Variants in METTL8 observed in about 807,000 individuals in gnomAD.
The protein encoded by METTL8 is methyltransferase 8, tRNA N3-cytidine, also known as tRNA N(3)-cytidine methyltransferase METTL8, mitochondrial.
METTL8 carries 32 observed loss-of-function variants against 48.7 expected under a neutral mutation model. That is an observed-to-expected ratio of 0.66 (90% confidence interval 0.50 to 0.88). The LOEUF is 0.88. Ranked by LOEUF, METTL8 falls within the 40% of genes least tolerant of loss-of-function variation. METTL8 has a pLI of 0.00. For missense variants in METTL8, 464 were observed against 474.4 expected (o/e 0.98, Z 0.20); for synonymous variants, 136 against 157.1 (o/e 0.87, Z 1.01).
chr2:171,404,863 A>G (rs1252380544), intron 1 of METTL8, among the ~76,000 whole-genome samples: 1 of 152,172 alleles, frequency 6.6e-6, no homozygotes, highest in Admixed American at 6.6e-5. Context: ...GCCCAGGGCT[A>G]CACACTAAGA....
intron 1 of METTL8, among the ~76,000 whole-genome samples, chr2:171,415,040 A>T (rs1036792900): frequency 3.9e-5 from 6 of 152,198 alleles, no homozygotes; most frequent in African/African-American, 1.4e-4. Flanking sequence ...AGGCCTCCCC[A>T]GCCACATGAA....
chr2:171,407,553 T>C (rs962566404), intron 1 of METTL8, among the ~76,000 whole-genome samples: 1 of 152,170 alleles, frequency 6.6e-6, no homozygotes. Flanking sequence ...AGAAAGCTTT[T>C]AGTATTGACA....
chr2:171,362,587 A>C (rs1190713768), intron 2 of METTL8, among the ~76,000 whole-genome samples: 1 of 151,158 alleles, frequency 6.6e-6, no homozygotes, highest in African/African-American at 2.4e-5. Flanking sequence ...ATAAATAAAT[A>C]AATAAATAAA....
At chr2:171,389,033 T>C (rs1448981503) in intron 2 of METTL8, among the ~76,000 whole-genome samples, 1 of 152,100 alleles carries the variant, frequency 6.6e-6, no homozygotes, top group African/African-American at 2.4e-5. Flanking sequence ...ATGAGGCCAG[T>C]TGATTACCCT....
chr2:171,362,234 G>C (rs940673118), intron 2 of METTL8, among the ~76,000 whole-genome samples: 4 of 152,108 alleles, frequency 2.6e-5, no homozygotes, highest in Non-Finnish European at 5.9e-5. Flanking sequence ...TGGTCTAGGA[G>C]TAATGAGTCC....
intron 3 of METTL8, among the ~76,000 whole-genome samples, chr2:171,342,889 T>C (rs1393576568): frequency 6.6e-6 from 1 of 152,056 alleles, no homozygotes; most frequent in Non-Finnish European, 1.5e-5. Flanking sequence ...AAGATGTGCA[T>C]AGCGGCCAGG....
rs936991282 is a variant in METTL8 at position 171,382,545 on chromosome 2, G to A, written c.143+9498C>T. Among the ~76,000 whole-genome samples the A allele has an allele frequency of 2.6e-5, 4 of 151,916 alleles. No individual in the cohort carries two copies. In the East Asian group the frequency reaches 5.8e-4, roughly 22 times the overall value. On this transcript the variant is annotated intron_variant, in intron 2 of 9. Coordinates refer to ENST00000375258, the MANE Select transcript of METTL8 (RefSeq NM_001321154.2). ...CAGGCAGGGGAACAACATACACAGG[G>A]GCCTGTCCAGGGGTGGAGGGCAAGG...
intron 7 of METTL8, among the ~76,000 whole-genome samples, chr2:171,328,377 G>A (rs1559046002): frequency 6.6e-6 from 1 of 152,152 alleles, no homozygotes. Flanking sequence ...CAGACTCAAG[G>A]TCTAGCCAAA....
chr2:171,342,697 CTT>C (rs1686896989), intron 3 of METTL8, among the ~76,000 whole-genome samples: 1 of 152,026 alleles, frequency 6.6e-6, no homozygotes, highest in African/African-American at 2.4e-5. Context: ...TCTAAGAAGA[CTT>C]ATATTTAGTG....
chr2:171,357,619 T>C (rs983022871), intron 3 of METTL8, among the ~76,000 whole-genome samples: 2 of 152,196 alleles, frequency 1.3e-5, no homozygotes, highest in Admixed American at 1.3e-4. Flanking sequence ...AAGCAATTTA[T>C]AGATTCAATG....
At chr2:171,348,827 A>G (rs1034968999) in intron 3 of METTL8, among the ~76,000 whole-genome samples, 3 of 152,192 alleles carry the variant, frequency 2.0e-5, no homozygotes, top group Non-Finnish European at 4.4e-5. Flanking sequence ...AAGAAAAAAA[A>G]AGAACCAACA....
At chr2:171,330,741 G>A in intron 6 of METTL8, 43 bp from the exon 7 acceptor site, 1 of 1,503,290 alleles carries the variant, frequency 6.7e-7, no homozygotes, top group Admixed American at 2.3e-5. Context: ...GGACTTAGTA[G>A]ACTTCCGGGA....
chr2:171,368,520 CCAT>C (rs1685950231), intron 2 of METTL8, among the ~76,000 whole-genome samples: 1 of 152,176 alleles, frequency 6.6e-6, no homozygotes, highest in Non-Finnish European at 1.5e-5. Context: ...GTGTCCACCA[CCAT>C]GAGTTTGATA....
At chr2:171,370,401 TA>T (rs1240451360) in intron 2 of METTL8, among the ~76,000 whole-genome samples, 1 of 152,190 alleles carries the variant, frequency 6.6e-6, no homozygotes, top group Non-Finnish European at 1.5e-5. Context: ...TCTGACAATA[TA>T]AAAAATGTTC....
chr2:171,331,947 G>A (rs1235001852), intron 5 of METTL8, 80 bp from the exon 6 acceptor site: 8 of 1,003,370 alleles, frequency 8.0e-6, no homozygotes, highest in African/African-American at 4.8e-5. Flanking sequence ...GTGTAGTAAC[G>A]TGACCATAGC....
intron 1 of METTL8, among the ~76,000 whole-genome samples, chr2:171,430,680 T>C (rs1692920763): frequency 6.6e-6 from 1 of 152,122 alleles, no homozygotes; most frequent in Non-Finnish European, 1.5e-5. Context: ...ACCCAAGTGA[T>C]AGCAGCAGGA....
chr2:171,358,612 A>G (rs548713119), intron 3 of METTL8, among the ~76,000 whole-genome samples: 6 of 152,210 alleles, frequency 3.9e-5, no homozygotes, highest in Non-Finnish European at 5.9e-5. Context: ...AACTGTAAGC[A>G]GAAGAATGAA....
intron 3 of METTL8, among the ~76,000 whole-genome samples, chr2:171,345,341 A>T (rs1173005825): frequency 6.6e-6 from 1 of 152,224 alleles, no homozygotes; most frequent in African/African-American, 2.4e-5. Flanking sequence ...ATTAATATGA[A>T]TTATGAAAAT....
intron 3 of METTL8, among the ~76,000 whole-genome samples, chr2:171,359,625 T>G (rs1371129859): frequency 2.0e-5 from 3 of 152,138 alleles, no homozygotes; most frequent in Non-Finnish European, 2.9e-5. Flanking sequence ...TCCGGTTTTT[T>G]TTTTTTTAGA....
Sources: gnomAD v4.1 joint callset for allele counts (sites outside exome capture counted in the v4.1 genomes callset) on GRCh38, gnomAD v4.1.1 for gene constraint, MANE v1.5 for transcripts, NCBI Gene and HGNC (gene_info 2026-07-23, HGNC 2026-07-21) for gene names.